Variants in DYNC1I1 observed in about 807,000 individuals in gnomAD.
DYNC1I1 encodes cytoplasmic dynein 1 intermediate chain 1.
Under a neutral mutation model 86.6 loss-of-function variants are expected in DYNC1I1, and 43 were observed. The ratio of observed to expected loss-of-function variants is 0.50; its 90% CI spans 0.39 to 0.64. DYNC1I1 has a LOEUF of 0.64. Among genes scored for constraint, DYNC1I1 ranks in the 30% least tolerant of loss-of-function variants. The pLI is 0.00. For synonymous variants in DYNC1I1, 262 were observed against 283.7 expected (o/e 0.92, Z 0.77); for missense variants, 604 against 788.8 (o/e 0.77, Z 2.81).
chr7:96,050,037 A>C (rs891457168), intron 14 of DYNC1I1, among the ~76,000 whole-genome samples: 8 of 146,922 alleles, frequency 5.4e-5, no homozygotes, highest in African/African-American at 1.8e-4. Context: ...AAACAAACAA[A>C]CAAAAAAAAA....
At chr7:96,086,987 T>G (rs1008928998) in intron 16 of DYNC1I1, among the ~76,000 whole-genome samples, 3 of 152,198 alleles carry the variant, frequency 2.0e-5, no homozygotes, top group Non-Finnish European at 4.4e-5. Context: ...TTTTATGCTT[T>G]CAACAGTAGT....
At chr7:95,832,545 C>T (rs1360817796) in intron 5 of DYNC1I1, among the ~76,000 whole-genome samples, 2 of 152,072 alleles carry the variant, frequency 1.3e-5, no homozygotes, top group Non-Finnish European at 2.9e-5. Flanking sequence ...AATTGCCACA[C>T]TGACTTCCAC....
chr7:96,030,867 T>TACAATCCC (rs1202532041), intron 11 of DYNC1I1, among the ~76,000 whole-genome samples: 4 of 152,086 alleles, frequency 2.6e-5, no homozygotes, highest in Admixed American at 2.6e-4. Context: ...GAGCATTGCC[T>TACAATCCC]ACAATCCCAC....
chr7:96,016,866 A>T (rs916404853), intron 10 of DYNC1I1, among the ~76,000 whole-genome samples: 4 of 152,126 alleles, frequency 2.6e-5, no homozygotes, highest in African/African-American at 9.7e-5. Context: ...TTCAAGTAAG[A>T]TGGTTTGATG....
chr7:95,802,293 G>A (rs537765926), intron 1 of DYNC1I1, among the ~76,000 whole-genome samples: 3 of 151,556 alleles, frequency 2.0e-5, no homozygotes, highest in Admixed American at 6.6e-5. Flanking sequence ...TTCCTTTTTT[G>A]CTTCCATATT....
intron 5 of DYNC1I1, 127 bp downstream of exon 5, chr7:95,828,243 C>T: frequency 9.8e-7 from 1 of 1,023,028 alleles, no homozygotes. Context: ...AGTTCGTTTC[C>T]TTCTGTTGAT....
At chr7:95,829,591 T>G (rs1198830136) in intron 5 of DYNC1I1, among the ~76,000 whole-genome samples, 2 of 152,074 alleles carry the variant, frequency 1.3e-5, no homozygotes, top group Non-Finnish European at 2.9e-5. Context: ...AATTAACAGA[T>G]TTTTAGACAG....
chr7:95,793,102 G>A (rs376639630), intron 1 of DYNC1I1, among the ~76,000 whole-genome samples: 2 of 152,088 alleles, frequency 1.3e-5, no homozygotes, highest in Non-Finnish European at 2.9e-5. Flanking sequence ...CTGATATTGC[G>A]TGGAGGACGT....
chr7:95,987,411 A>G (rs554395394), intron 9 of DYNC1I1, among the ~76,000 whole-genome samples: 1 of 152,262 alleles, frequency 6.6e-6, no homozygotes, highest in African/African-American at 2.4e-5. Context: ...ATTACCACTG[A>G]TTTCCTACTT....
At chr7:96,076,243 C>G in intron 15 of DYNC1I1, 46 bp downstream of exon 15, 1 of 1,603,434 alleles carries the variant, frequency 6.2e-7, no homozygotes, top group Non-Finnish European at 8.5e-7. Context: ...GGGAGGGGGG[C>G]GCAGTCGGCC....
At chr7:96,011,058 AT>A (rs1372250679) in intron 10 of DYNC1I1, among the ~76,000 whole-genome samples, 1 of 152,068 alleles carries the variant, frequency 6.6e-6, no homozygotes, top group Non-Finnish European at 1.5e-5. Flanking sequence ...AGGTAGTTTT[AT>A]TTTATTTTTT....
intron 1 of DYNC1I1, among the ~76,000 whole-genome samples, chr7:95,801,280 A>AG (rs1794571647): frequency 6.6e-6 from 1 of 152,322 alleles, no homozygotes; most frequent in Non-Finnish European, 1.5e-5. Flanking sequence ...TTTTTAAAAT[A>AG]TTGACTCTCC....
intron 5 of DYNC1I1, among the ~76,000 whole-genome samples, chr7:95,867,689 C>T (rs542534081): frequency 1.3e-5 from 2 of 152,314 alleles, no homozygotes; most frequent in South Asian, 4.1e-4. Flanking sequence ...AGAGCTGGAG[C>T]TCCCTGGGTC....
intron 14 of DYNC1I1, among the ~76,000 whole-genome samples, chr7:96,068,740 T>C (rs1166947766): frequency 3.3e-5 from 5 of 152,230 alleles, no homozygotes; most frequent in Non-Finnish European, 7.3e-5. Context: ...GTGTAATCCA[T>C]AGATCTGAGT....
rs201240633 is a variant in DYNC1I1 at position 96,028,189 on chromosome 7, G to A, written c.984G>A (p.Ser328=). The A allele has an allele frequency of 1.2e-4, 200 of 1,613,334 alleles. 5 individuals are homozygous for A. In the South Asian group the frequency reaches 1.8e-3, roughly 14 times the overall value. ...YVFHCQSSVM[S]VCFARFHPNL... ...TTCCCTGACAGTCCTCTGTGATGTC[G>A]GTCTGCTTCGCCCGTTTCCATCCTA... Residue 328 remains serine, a synonymous_variant, in exon 11 of 17, where the codon TCG becomes TCA. Transcript: ENST00000447467.
At chr7:96,022,380 T>G (rs1794573525) in intron 10 of DYNC1I1, among the ~76,000 whole-genome samples, 1 of 152,158 alleles carries the variant, frequency 6.6e-6, no homozygotes, top group East Asian at 1.9e-4. Context: ...AATTTTAGAA[T>G]CAGCTGCTTT....
chr7:95,809,714 G>A (rs1396291093), intron 2 of DYNC1I1, among the ~76,000 whole-genome samples: 1 of 152,088 alleles, frequency 6.6e-6, no homozygotes. Flanking sequence ...GACAGAATTT[G>A]TGAAAGGAAT....
At chr7:95,923,741 C>A (rs1369036203) in intron 6 of DYNC1I1, among the ~76,000 whole-genome samples, 1 of 152,124 alleles carries the variant, frequency 6.6e-6, no homozygotes, top group African/African-American at 2.4e-5. Flanking sequence ...ATTTGTTCAA[C>A]ATTCTTTTCA....
chr7:95,948,526 T>G (rs578204860), intron 6 of DYNC1I1, among the ~76,000 whole-genome samples: 1 of 152,202 alleles, frequency 6.6e-6, no homozygotes, highest in East Asian at 1.9e-4. Flanking sequence ...GTTTACTAGT[T>G]GGTTCTTGAG....
Sources: allele counts gnomAD v4.1 joint callset (sites outside exome capture counted in the v4.1 genomes callset), GRCh38; gene constraint gnomAD v4.1.1; transcripts MANE v1.5; gene names NCBI Gene and HGNC (gene_info 2026-07-23, HGNC 2026-07-21).